CACNA1E: variants seen among roughly 807,000 people sequenced by gnomAD.
CACNA1E encodes the protein calcium voltage-gated channel subunit alpha1 E.
A neutral mutation model predicts 259.2 loss-of-function variants in CACNA1E; 40 were observed. That is an observed-to-expected ratio of 0.15 (90% CI 0.12 to 0.20). The LOEUF is 0.20. Ranked by LOEUF, CACNA1E falls within the 10% of genes least tolerant of loss-of-function variation. The pLI is 1.00. For synonymous variants in CACNA1E, 1,104 were observed against 1,138.5 expected (o/e 0.97, Z 0.61); for missense variants, 1,874 against 3,040.1 (o/e 0.62, Z 9.02).
At chr1:181,616,350 T>G (rs988173511) in intron 6 of CACNA1E, among the ~76,000 whole-genome samples, 20 of 151,476 alleles carry the variant, frequency 1.3e-4, no homozygotes, top group Non-Finnish European at 1.0e-4. Flanking sequence ...GTTTTGTTTT[T>G]TTTGTTTTTT....
chr1:181,700,846 A>G (rs889587911), intron 7 of CACNA1E, among the ~76,000 whole-genome samples: 1 of 152,166 alleles, frequency 6.6e-6, no homozygotes, highest in Non-Finnish European at 1.5e-5. Flanking sequence ...GCGTTAGCCC[A>G]CGCCGAGCCT....
chr1:181,755,222 T>G lies in CACNA1E; in HGVS notation c.3829-15T>G. 1.2e-6 allele frequency: 2 copies of G among 1,610,488 alleles called. No homozygotes were observed. The highest frequency in any genetic ancestry group is 3.3e-4 in the Middle Eastern group (2 of 6,012). On this transcript the variant is annotated splice_polypyrimidine_tract_variant and intron_variant, in intron 27 of 47. Coordinates refer to ENST00000367573, the MANE Select transcript of CACNA1E (RefSeq NM_001205293.3). ...CACAGGGTTCACACAGCAGGGCTGTTTGCTCTGTCCACAGGCCGTCTTCGA... is the reference window on the plus strand; with the variant it reads ...CACAGGGTTCACACAGCAGGGCTGTGTGCTCTGTCCACAGGCCGTCTTCGA...
At chr1:181,674,385 A>C (rs1290274904) in intron 7 of CACNA1E, among the ~76,000 whole-genome samples, 1 of 117,200 alleles carries the variant, frequency 8.5e-6, no homozygotes, top group African/African-American at 3.6e-5. Context: ...ACAGAGCAAG[A>C]CTCCATCTCA....
intron 1 of CACNA1E, among the ~76,000 whole-genome samples, chr1:181,352,045 A>G (rs1653081879): frequency 6.6e-6 from 1 of 152,210 alleles, no homozygotes; most frequent in Non-Finnish European, 1.5e-5. Flanking sequence ...GACATTCAAT[A>G]TGCTCTGGTA....
At chr1:181,349,112 G>C (rs545147933) in intron 1 of CACNA1E, among the ~76,000 whole-genome samples, 1 of 152,184 alleles carries the variant, frequency 6.6e-6, no homozygotes, top group South Asian at 2.1e-4. Flanking sequence ...AGCAGGGAGG[G>C]GGCGGGCTTG....
chr1:181,776,407 G>A lies in CACNA1E; in HGVS notation c.5267+179G>A, dbSNP rs1267946009. On this transcript the variant is annotated intron_variant, in intron 38 of 47. Coordinates refer to ENST00000367573, the MANE Select transcript of CACNA1E (RefSeq NM_001205293.3). The surrounding 1 kb of genome is among the most constrained non-coding windows in gnomAD (Gnocchi z 4.4). ...ATCAAGCCAGTCACCAAGGACTTCT[G>A]TATCCTCCTTTCCCCTCTCTTTCCT... The A allele has an allele frequency of 1.7e-6, 1 of 604,268 alleles. No homozygotes were observed. Among genetic ancestry groups the A allele is most frequent in the African/African-American group, 1.8e-5 (1 of 54,092 alleles). 37.4% of individuals were successfully genotyped at this position (604,268 alleles called of 1,614,324 possible).
intron 1 of CACNA1E, among the ~76,000 whole-genome samples, chr1:181,388,784 A>G (rs1355196235): frequency 3.3e-5 from 5 of 151,898 alleles, no homozygotes; most frequent in Non-Finnish European, 5.9e-5. Context: ...CCAGCTACTC[A>G]GGAGGCTGAG....
At chr1:181,652,931 C>T (rs1261024708) in intron 7 of CACNA1E, among the ~76,000 whole-genome samples, 1 of 151,888 alleles carries the variant, frequency 6.6e-6, no homozygotes, top group Non-Finnish European at 1.5e-5. Context: ...GTAGTCCAGC[C>T]CACTTCTGCT....
In CACNA1E at chr1:181,793,789, C is replaced by T; in HGVS notation, c.6023C>T (p.Pro2008Leu). 1 of 1,610,948 alleles carries T rather than the reference C, an allele frequency of 6.2e-7. No homozygotes were observed. Among genetic ancestry groups the T allele is most frequent in the Non-Finnish European group, 8.5e-7 (1 of 1,179,240 alleles). Reference sequence around the variant, plus strand: ...TCTATGCCACGTCTGACTGTGGATCCCCAGGTAAAAAGCAACCACCTACAT... The same window carrying T: ...TCTATGCCACGTCTGACTGTGGATCTCCAGGTAAAAAGCAACCACCTACAT... ...ASSMPRLTVD[P>L]QVVTDPSSMR... is the part of the protein sequence containing the mutation. Residue 2008 changes from proline to leucine, a missense_variant, in exon 45 of 48, where the codon CCC (proline) becomes CTC (leucine). Coordinates refer to ENST00000367573, the MANE Select transcript of CACNA1E (RefSeq NM_001205293.3).
At position 181,803,283 on chromosome 1, in the gene CACNA1E, C is replaced by G. The variant is rs772731513; in HGVS notation, c.*4449C>G. 9 of 128,830 alleles carry G rather than the reference C, an allele frequency of 7.0e-5. No individual in the cohort carries two copies. Among genetic ancestry groups the G allele is most frequent in the East Asian group, 3.1e-4 (1 of 3,278 alleles). The allele number at this position is 128,830 out of a possible 1,614,324, so 8.0% of individuals were successfully genotyped here. On this transcript the variant is annotated 3_prime_UTR_variant, in exon 48 of 48. Transcript: ENST00000367573. ...AGTGGGTCCCTTGCAAGTGGCCAGA[C>G]AGGGAATGATGGTTTGACTCCAGAA...
chr1:181,538,870 A>G (rs1235415990), intron 3 of CACNA1E, among the ~76,000 whole-genome samples: 3 of 152,212 alleles, frequency 2.0e-5, no homozygotes, highest in Non-Finnish European at 4.4e-5. Context: ...GAATTTTGAA[A>G]AAGATCATGC....
chr1:181,482,176 C>G (rs1239462291), upstream of CACNA1E, among the ~76,000 whole-genome samples: 4 of 152,226 alleles, frequency 2.6e-5, no homozygotes, highest in African/African-American at 9.6e-5. Context: ...AATGCCTGGC[C>G]GTGTTCGTGG....
chr1:181,481,055 GTGAC>G (rs1663196842), upstream of CACNA1E, among the ~76,000 whole-genome samples: 1 of 152,140 alleles, frequency 6.6e-6, no homozygotes, highest in South Asian at 2.1e-4. Flanking sequence ...CTAGTTCTAA[GTGAC>G]TGGCTGATGG....
intron 6 of CACNA1E, among the ~76,000 whole-genome samples, chr1:181,588,080 T>C (rs1017899045): frequency 4.6e-5 from 7 of 152,292 alleles, no homozygotes; most frequent in Admixed American, 3.9e-4. Flanking sequence ...GTGCCGCACA[T>C]GTGCAGAGTA....
intron 6 of CACNA1E, among the ~76,000 whole-genome samples, chr1:181,635,472 TTC>T (rs928562621): frequency 6.6e-6 from 1 of 151,878 alleles, no homozygotes; most frequent in Non-Finnish European, 1.5e-5. Flanking sequence ...CCTTCCCCAG[TTC>T]TCTCTCTCTC....
At chr1:181,390,962 C>A (rs993553538) in intron 1 of CACNA1E, among the ~76,000 whole-genome samples, 1 of 152,190 alleles carries the variant, frequency 6.6e-6, no homozygotes, top group Admixed American at 6.5e-5. Context: ...CTGCCCTTAC[C>A]TTTCCATCTC....
rs187301108 is a variant in CACNA1E at position 181,620,820 on chromosome 1, T to C, written c.952-30518T>C. On this transcript the variant is annotated intron_variant, in intron 6 of 47. Coordinates refer to ENST00000367573, the MANE Select transcript of CACNA1E (RefSeq NM_001205293.3). ...AGGAAAGGCTCATTCACATAGGAGA[T>C]TGGGCTTGAGCTGACCTTTGAGGAG... Among the ~76,000 whole-genome samples the C allele has an allele frequency of 5.6e-4, 85 of 152,270 alleles. 2 individuals are homozygous for C. In the East Asian group the frequency reaches 6.8e-3, roughly 12 times the overall value.
intron 1 of CACNA1E, among the ~76,000 whole-genome samples, chr1:181,371,911 T>A (rs1654736505): frequency 6.6e-6 from 1 of 152,242 alleles, no homozygotes. Context: ...GTGACTTTAT[T>A]TCTGGGTTCG....
At chr1:181,464,271 A>G (rs1662006207) in intron 2 of CACNA1E, among the ~76,000 whole-genome samples, 1 of 151,946 alleles carries the variant, frequency 6.6e-6, no homozygotes, top group Non-Finnish European at 1.5e-5. Context: ...TTAGATTTTA[A>G]TTGAAATGGA....
Sources: gnomAD v4.1 joint callset for allele counts (sites outside exome capture counted in the v4.1 genomes callset) on GRCh38, gnomAD v4.1.1 for gene constraint, Gnocchi (gnomAD v3.1) non-coding constraint, MANE v1.5 for transcripts, NCBI Gene and HGNC (gene_info 2026-07-23, HGNC 2026-07-21) for gene names.